The following IKZF1 variants were observed in gnomAD, a reference collection of about 807,000 sequenced individuals.
IKZF1 encodes DNA-binding protein Ikaros.
Under a neutral mutation model 51.7 loss-of-function variants are expected in IKZF1, and 10 were observed. The ratio of observed to expected loss-of-function variants is 0.19; its 90% CI spans 0.12 to 0.33. IKZF1 has a LOEUF of 0.33. Among genes scored for constraint, IKZF1 ranks in the 10% least tolerant of loss-of-function variants. The probability of loss-of-function intolerance (pLI) is 1.00; values close to 1 mark genes in which losing one functional copy is unlikely to be tolerated. For missense variants in IKZF1, 484 were observed against 707.5 expected, an observed-to-expected ratio of 0.68 and a Z score of 3.58; for synonymous variants, 280 against 282.3, an observed-to-expected ratio of 0.99 and a Z score of 0.08.
chr7:50,398,175 A>G (rs916518718), intron 7 of IKZF1, among the ~76,000 whole-genome samples: 4 of 152,230 alleles, frequency 2.6e-5, no homozygotes, highest in African/African-American at 9.6e-5. Flanking sequence ...ACCAGCCATC[A>G]TCAGCCATAA....
chr7:50,341,017 A>G (rs1798938811), intron 3 of IKZF1, among the ~76,000 whole-genome samples: 1 of 152,200 alleles, frequency 6.6e-6, no homozygotes, highest in East Asian at 1.9e-4. Context: ...TTAAGGTTTT[A>G]TATGTGTTAG....
intron 7 of IKZF1, among the ~76,000 whole-genome samples, chr7:50,397,281 A>G (rs1271562520): frequency 6.6e-6 from 1 of 152,226 alleles, no homozygotes; most frequent in Non-Finnish European, 1.5e-5. Flanking sequence ...ATGACTATAC[A>G]TGACATGTTC....
intron 3 of IKZF1, among the ~76,000 whole-genome samples, chr7:50,338,015 G>A (rs1195403915): frequency 2.0e-5 from 3 of 152,096 alleles, no homozygotes; most frequent in African/African-American, 7.2e-5. Context: ...ATTCAGAAGG[G>A]CAATCTTTGG....
chr7:50,327,595 T>C, intron 2 of IKZF1, 43 bp from the exon 3 acceptor site: 1 of 1,555,168 alleles, frequency 6.4e-7, no homozygotes. Flanking sequence ...CCAGGCACCT[T>C]GACCATGACC....
At chr7:50,382,315 T>G (rs1363264001) in intron 4 of IKZF1, among the ~76,000 whole-genome samples, 2 of 152,232 alleles carry the variant, frequency 1.3e-5, no homozygotes, top group Non-Finnish European at 2.9e-5. Flanking sequence ...TGCATTGTGA[T>G]GTGCCATTCT....
chr7:50,360,181 C>T (rs1160944031), intron 3 of IKZF1, among the ~76,000 whole-genome samples: 1 of 151,902 alleles, frequency 6.6e-6, no homozygotes, highest in Admixed American at 6.6e-5. Flanking sequence ...GATCCACCCT[C>T]TGTGTGTCCT....
chr7:50,401,081 G>A lies in IKZF1; in HGVS notation c.*454G>A. The A allele has an allele frequency of 3.5e-6, 1 of 283,370 alleles. No homozygotes were observed. Among genetic ancestry groups the A allele is most frequent in the Non-Finnish European group, 6.6e-6 (1 of 151,160 alleles). The allele number at this position is 283,370 out of a possible 1,614,324, so 17.6% of individuals were successfully genotyped here. A position where few individuals can be genotyped will look rare whatever the true frequency, so the allele number is the denominator to read the frequency against. On this transcript the variant is annotated 3_prime_UTR_variant, in exon 8 of 8. Transcript: ENST00000331340. The stretch of plus-strand genomic sequence containing the variant: ...CAGAGAGCACAGCCCCTGCTGTGTG[G>A]GTCTGCAGGTGAGCAGACAGGACAG...
chr7:50,332,973 G>A (rs1024132975), intron 3 of IKZF1, among the ~76,000 whole-genome samples: 20 of 151,964 alleles, frequency 1.3e-4, no homozygotes, highest in Non-Finnish European at 2.6e-4. Flanking sequence ...GTGTTCAGAG[G>A]CATAGGCTCT....
chr7:50,382,275 G>T (rs906700941), intron 4 of IKZF1, among the ~76,000 whole-genome samples: 2 of 152,134 alleles, frequency 1.3e-5, no homozygotes, highest in Non-Finnish European at 2.9e-5. Flanking sequence ...ACAAAATGTT[G>T]CAGTCACTTT....
In IKZF1 at chr7:50,403,319, A is replaced by ATGACTTCAC; in HGVS notation, c.*2693_*2701dup. ...TCTAGCTGGTAAAGTAGGAGTTTGC[A>ATGACTTCAC]TGACTTCACACTTTTTTTGCGTAGT... On this transcript the variant is annotated 3_prime_UTR_variant, in exon 8 of 8. Coordinates refer to ENST00000331340, the MANE Select transcript of IKZF1 (RefSeq NM_006060.6). 1 of 223,144 alleles carries ATGACTTCAC rather than the reference A, an allele frequency of 4.5e-6. No individual in the cohort carries two copies. Among genetic ancestry groups the ATGACTTCAC allele is most frequent in the South Asian group, 1.8e-4 (1 of 5,448 alleles). 13.8% of individuals were successfully genotyped at this position (223,144 alleles called of 1,614,324 possible).
rs778906916 is a variant in IKZF1, at chr7:50,327,776, G to A, written c.160+19G>A. The A allele has an allele frequency of 6.3e-7, 1 of 1,591,778 alleles. No individual in the cohort carries two copies. Among genetic ancestry groups the A allele is most frequent in the South Asian group, 1.1e-5 (1 of 87,618 alleles). ...GTCGTGGGTAAGTGGGTCACCAGCG[G>A]CCTCTGTGCCTGTGAAACCTTTATC... is the stretch of plus-strand genomic sequence containing the variant. On this transcript the variant is annotated intron_variant, in intron 3 of 7. Coordinates refer to ENST00000331340, the MANE Select transcript of IKZF1 (RefSeq NM_006060.6).
chr7:50,371,375 G>A (rs1808624440), intron 3 of IKZF1, among the ~76,000 whole-genome samples: 1 of 152,210 alleles, frequency 6.6e-6, no homozygotes, highest in South Asian at 2.1e-4. Context: ...TTCTCGCAGA[G>A]CCTCCGTCAC....
intron 1 of IKZF1, among the ~76,000 whole-genome samples, chr7:50,317,573 A>C (rs1049624734): frequency 3.3e-5 from 5 of 152,102 alleles, no homozygotes; most frequent in African/African-American, 1.2e-4. Flanking sequence ...TTTCTGAAAT[A>C]CTTTTTCTGT....
chr7:50,391,191 T>A (rs1212709120), intron 6 of IKZF1, among the ~76,000 whole-genome samples: 1 of 152,140 alleles, frequency 6.6e-6, no homozygotes, highest in Non-Finnish European at 1.5e-5. Flanking sequence ...GTGCTTTGAT[T>A]TTCAGGAGTT....
At chr7:50,334,284 T>A (rs1254612550) in intron 3 of IKZF1, among the ~76,000 whole-genome samples, 2 of 152,184 alleles carry the variant, frequency 1.3e-5, no homozygotes, top group African/African-American at 4.8e-5. Flanking sequence ...TTAATAACTT[T>A]CCTTGGAAAA....
chr7:50,345,088 G>C (rs1253658572), intron 3 of IKZF1, among the ~76,000 whole-genome samples: 3 of 152,094 alleles, frequency 2.0e-5, no homozygotes, highest in African/African-American at 7.2e-5. Context: ...AATATTCTTA[G>C]AAGTCTGGAG....
chr7:50,334,491 TTGTG>T (rs1192623598), intron 3 of IKZF1, among the ~76,000 whole-genome samples: 7 of 151,848 alleles, frequency 4.6e-5, no homozygotes, highest in African/African-American at 1.2e-4. Flanking sequence ...TGTCATATGT[TTGTG>T]TGTGCATGTA....
intron 6 of IKZF1, among the ~76,000 whole-genome samples, chr7:50,390,736 G>A (rs61016409): frequency 0.064 from 9,742 of 152,158 alleles, 485 homozygotes; most frequent in South Asian, 0.093. Context: ...TGAGATAATT[G>A]GCAACTTTTT....
intron 1 of IKZF1, among the ~76,000 whole-genome samples, chr7:50,306,205 A>G (rs1788744887): frequency 6.6e-6 from 1 of 152,246 alleles, no homozygotes; most frequent in African/African-American, 2.4e-5. Context: ...GTACACATAC[A>G]AATAATGATG....
Sources: allele counts gnomAD v4.1 joint callset (sites outside exome capture counted in the v4.1 genomes callset), GRCh38; gene constraint gnomAD v4.1.1; transcripts MANE v1.5; gene names NCBI Gene and HGNC (gene_info 2026-07-23, HGNC 2026-07-21).